Variants in R3HDM2 observed in about 807,000 individuals in gnomAD.
R3HDM2 encodes R3H domain-containing protein 2.
R3HDM2 carries 38 observed loss-of-function variants against 124.5 expected under a neutral mutation model. That is an observed-to-expected ratio of 0.31 (90% confidence interval 0.24 to 0.40). The LOEUF is 0.40. Among genes scored for constraint, R3HDM2 ranks in the 10% least tolerant of loss-of-function variants. R3HDM2 has a pLI of 1.00. For synonymous variants in R3HDM2, 391 were observed against 448.0 expected (o/e 0.87, Z 1.61); for missense variants, 869 against 1,236.9 (o/e 0.70, Z 4.46).
At chr12:57,267,320 G>T (rs1592466854) in intron 18 of R3HDM2, among the ~76,000 whole-genome samples, 1 of 152,240 alleles carries the variant, frequency 6.6e-6, no homozygotes, top group East Asian at 1.9e-4. Flanking sequence ...ACTTTGGGAG[G>T]CCAAGGCAGG....
chr12:57,376,141 A>C (rs1232900030), intron 2 of R3HDM2, among the ~76,000 whole-genome samples: 1 of 152,214 alleles, frequency 6.6e-6, no homozygotes, highest in Admixed American at 6.5e-5. Flanking sequence ...TTGAAGATAG[A>C]ACCACTATGA....
intron 2 of R3HDM2, among the ~76,000 whole-genome samples, chr12:57,349,585 G>A (rs2060474909): frequency 6.7e-6 from 1 of 148,924 alleles, no homozygotes; most frequent in Non-Finnish European, 1.5e-5. Context: ...TTTTGAGACA[G>A]AGTCTCGCTC....
rs746906702 is a variant in R3HDM2 at position 57,259,007 on chromosome 12, A to T, written c.2184T>A (p.Asn728Lys). 1 of 1,613,472 alleles carries T rather than the reference A, an allele frequency of 6.2e-7. No individual in the cohort carries two copies. Among genetic ancestry groups the T allele is most frequent in the Non-Finnish European group, 8.5e-7 (1 of 1,179,932 alleles). The change falls in exon 20 of 24, where the codon AAT becomes AAA. Residue 728 changes from asparagine (N) to lysine (K), a missense_variant. Asn to Lys is a moderately conservative substitution (Grantham distance 94, BLOSUM62 0). Transcript: ENST00000402412. ...ATGGGTTCTGAGGGGGCTGGGGTCC[A>T]TTAGGGACATTCAGCTGCATGACCA... ...GVVVMQLNVP[N>K]GPQPPQNPSM...
At chr12:57,272,423 C>G in intron 14 of R3HDM2, 1 of 1,521,398 alleles carries the variant, frequency 6.6e-7, no homozygotes, top group Non-Finnish European at 8.9e-7. Flanking sequence ...CACACATGAA[C>G]AAGACAAAAA....
At chr12:57,413,509 G>A (rs1247030824) in intron 1 of R3HDM2, among the ~76,000 whole-genome samples, 1 of 151,618 alleles carries the variant, frequency 6.6e-6, no homozygotes, top group Non-Finnish European at 1.5e-5. Flanking sequence ...GCGGAGGCGG[G>A]CAGATCGCTT....
At position 57,254,670 on chromosome 12, in the gene R3HDM2, C is replaced by T. The variant is rs992449652; in HGVS notation, c.*103G>A. The stretch of plus-strand genomic sequence containing the variant: ...ACTGTCTTAGGTTCCAGTTTAACAT[C>T]AGTTTCCTTACTTCCTGCCTCTGTC... On this transcript the variant is annotated 3_prime_UTR_variant, in exon 24 of 24. Coordinates refer to ENST00000402412, the MANE Select transcript of R3HDM2 (RefSeq NM_001394031.1). The T allele has an allele frequency of 9.7e-7, 1 of 1,028,966 alleles. No homozygotes were observed. The highest frequency in any genetic ancestry group is 1.4e-6 in the Non-Finnish European group (1 of 717,858). 63.7% of individuals were successfully genotyped at this position (1,028,966 alleles called of 1,614,324 possible). A position where few individuals can be genotyped will look rare whatever the true frequency, so the allele number is the denominator to read the frequency against.
chr12:57,419,112 T>C (rs1055384867), intron 1 of R3HDM2, among the ~76,000 whole-genome samples: 4 of 151,908 alleles, frequency 2.6e-5, no homozygotes, highest in South Asian at 2.1e-4. Flanking sequence ...TTCAAAATAC[T>C]GCCCCATATA....
At chr12:57,338,807 T>G (rs1025556249) in intron 2 of R3HDM2, among the ~76,000 whole-genome samples, 3 of 152,022 alleles carry the variant, frequency 2.0e-5, no homozygotes, top group African/African-American at 7.2e-5. Flanking sequence ...CCCTGCCATT[T>G]TTTTTTTTTC....
intron 2 of R3HDM2, among the ~76,000 whole-genome samples, chr12:57,388,822 T>G (rs906927976): frequency 4.6e-5 from 7 of 151,548 alleles, no homozygotes; most frequent in Admixed American, 4.6e-4. Context: ...TAAAATAAAA[T>G]GTAAGAGGAC....
Position 57,269,954 on chromosome 12 carries a change from C to A in R3HDM2, c.1385G>T (p.Ser462Ile), listed in dbSNP as rs1434253565. The A allele has an allele frequency of 6.2e-7, 1 of 1,614,164 alleles. No homozygotes were observed. Among genetic ancestry groups the A allele is most frequent in the African/African-American group, 1.3e-5 (1 of 75,030 alleles). ...LSNPFGQMSL[S>I]RQGSTEAADP... Reference sequence around the variant, plus strand: ...AGCTGCTTCAGTAGAACCTTGGCGACTAAGGCTCATTTGTCCAAAGGGGTT... The same window carrying A: ...AGCTGCTTCAGTAGAACCTTGGCGAATAAGGCTCATTTGTCCAAAGGGGTT... The change falls in exon 15 of 24, where the codon AGT becomes ATT. Residue 462 changes from serine (S) to isoleucine (I), a missense_variant. Transcript: ENST00000402412.
At chr12:57,357,413 G>C (rs1234208589) in intron 2 of R3HDM2, among the ~76,000 whole-genome samples, 10 of 151,028 alleles carry the variant, frequency 6.6e-5, no homozygotes, top group African/African-American at 2.0e-4. Flanking sequence ...AGTGAGCCAA[G>C]ATCGCGCCAT....
chr12:57,352,642 G>A (rs1367015954), intron 2 of R3HDM2, among the ~76,000 whole-genome samples: 4 of 151,824 alleles, frequency 2.6e-5, no homozygotes, highest in Non-Finnish European at 4.4e-5. Flanking sequence ...ACAGGTGCGC[G>A]CCACCACACC....
intron 1 of R3HDM2, among the ~76,000 whole-genome samples, chr12:57,413,847 C>CTTTT (rs56189620): frequency 2.5e-5 from 3 of 120,536 alleles, no homozygotes; most frequent in Non-Finnish European, 3.5e-5. Context: ...AATCCCCCCC[C>CTTTT]TTTTTTTTTT....
chr12:57,402,797 T>G (rs1370169892), intron 1 of R3HDM2, among the ~76,000 whole-genome samples: 1 of 151,986 alleles, frequency 6.6e-6, no homozygotes, highest in Non-Finnish European at 1.5e-5. Context: ...CCTCAAGTGA[T>G]CCACCTGCCT....
At chr12:57,396,867 G>C (rs1330494705) in intron 1 of R3HDM2, among the ~76,000 whole-genome samples, 1 of 152,080 alleles carries the variant, frequency 6.6e-6, no homozygotes, top group Non-Finnish European at 1.5e-5. Flanking sequence ...CAAAGCAGGT[G>C]GATCACCTAC....
intron 12 of R3HDM2, among the ~76,000 whole-genome samples, chr12:57,286,562 C>G (rs1229983729): frequency 6.6e-6 from 1 of 152,130 alleles, no homozygotes; most frequent in Non-Finnish European, 1.5e-5. Context: ...TCAATCAAAG[C>G]TCAGTTGGAA....
intron 2 of R3HDM2, among the ~76,000 whole-genome samples, chr12:57,352,962 A>C (rs537852378): frequency 2.2e-4 from 33 of 152,316 alleles, no homozygotes; most frequent in African/African-American, 7.7e-4. Context: ...AATCAGAGCC[A>C]TATTCACACC....
rs1366274892 is a variant in R3HDM2 at position 57,360,006 on chromosome 12, A to AATATATATAT, written c.-36+35733_-36+35742dup. 4.6e-3 allele frequency among the ~76,000 whole-genome samples: 543 copies of AATATATATAT among 117,632 alleles called. 1 individual carries two copies. The highest frequency in any genetic ancestry group is 7.2e-3 in the Non-Finnish European group (415 of 57,702). The allele number at this position is 117,632 out of a possible 152,430, so 77.2% of individuals were successfully genotyped here. On this transcript the variant is annotated intron_variant, in intron 2 of 23. Coordinates refer to ENST00000402412, the MANE Select transcript of R3HDM2 (RefSeq NM_001394031.1). ...ATTGTTTTCAGTAAATAAATAAATA[A>AATATATATAT]ATATATATATATATATACACACATA...
chr12:57,426,793 C>T (rs2070779867), intron 1 of R3HDM2, among the ~76,000 whole-genome samples: 2 of 152,146 alleles, frequency 1.3e-5, no homozygotes, highest in Non-Finnish European at 2.9e-5. Context: ...AAAAACATCT[C>T]AACATCTCTC....
Sources: gnomAD v4.1 joint callset for allele counts (sites outside exome capture counted in the v4.1 genomes callset) on GRCh38, gnomAD v4.1.1 for gene constraint, MANE v1.5 for transcripts, NCBI Gene and HGNC (gene_info 2026-07-23, HGNC 2026-07-21) for gene names.